The following NID1 variants were observed in gnomAD, a reference collection of about 807,000 sequenced individuals.
The protein encoded by NID1 is nidogen 1.
A neutral mutation model predicts 130.6 loss-of-function variants in NID1; 76 were observed. The ratio of observed to expected loss-of-function variants is 0.58; its 90% CI spans 0.48 to 0.70. The LOEUF (loss-of-function observed/expected upper bound fraction) is 0.70, where lower values mean the gene tolerates loss of function less well. Ranked by LOEUF, NID1 falls within the 30% of genes least tolerant of loss-of-function variation. The pLI is 0.00. For synonymous variants in NID1, 665 were observed against 675.1 expected (o/e 0.98, Z 0.23); for missense variants, 1,517 against 1,664.8 (o/e 0.91, Z 1.54).
At chr1:236,056,019 C>T (rs892825295) in intron 1 of NID1, among the ~76,000 whole-genome samples, 2 of 152,108 alleles carry the variant, frequency 1.3e-5, no homozygotes, top group East Asian at 3.9e-4. Flanking sequence ...TTTGACAGGG[C>T]CACCAAGAAC....
intron 12 of NID1, among the ~76,000 whole-genome samples, chr1:236,006,391 A>C (rs79994660): frequency 6.6e-6 from 1 of 152,268 alleles, no homozygotes; most frequent in Non-Finnish European, 1.5e-5. Flanking sequence ...ACCACCACCT[A>C]TTGTCTTGCC....
At chr1:236,006,628 A>C (rs1558430084) in intron 12 of NID1, among the ~76,000 whole-genome samples, 1 of 152,228 alleles carries the variant, frequency 6.6e-6, no homozygotes, top group Non-Finnish European at 1.5e-5. Flanking sequence ...ACCTACAATG[A>C]CTAGGAATGC....
chr1:235,979,702 G>A lies in NID1; in HGVS notation c.3509+120C>T. 9.3e-7 allele frequency: 1 copy of A among 1,075,766 alleles called. No individual in the cohort carries two copies. The highest frequency in any genetic ancestry group is 2.0e-5 in the Admixed American group (1 of 50,306). 66.6% of individuals were successfully genotyped at this position (1,075,766 alleles called of 1,614,324 possible). On this transcript the variant is annotated intron_variant, in intron 18 of 19. Coordinates refer to ENST00000264187, the MANE Select transcript of NID1 (RefSeq NM_002508.3). The surrounding 1 kb of genome is among the most constrained non-coding windows in gnomAD (Gnocchi z 4.6). The stretch of plus-strand genomic sequence containing the variant: ...ATAAGGGAGAGGGGACATCTCTAGA[G>A]GGGGCATTTCTGGAGGCTCAAAAGT...
intron 4 of NID1, among the ~76,000 whole-genome samples, chr1:236,040,832 G>A (rs1272796254): frequency 6.6e-6 from 1 of 151,832 alleles, no homozygotes; most frequent in Non-Finnish European, 1.5e-5. Flanking sequence ...CCTGGCTAAT[G>A]TTTTGCATTT....
At chr1:235,986,358 A>G (rs1056758951) in intron 14 of NID1, among the ~76,000 whole-genome samples, 1 of 152,188 alleles carries the variant, frequency 6.6e-6, no homozygotes, top group African/African-American at 2.4e-5. Context: ...GATGCAAGAT[A>G]CAAAGTCAAT....
At chr1:236,024,844 C>T (rs1204952480) in intron 8 of NID1, among the ~76,000 whole-genome samples, 1 of 152,214 alleles carries the variant, frequency 6.6e-6, no homozygotes, top group African/African-American at 2.4e-5. Context: ...TGGGAACGCC[C>T]ACAGACCAGA....
chr1:236,017,389 C>CTTT, intron 9 of NID1, 116 bp from the exon 10 acceptor site: 3 of 972,224 alleles, frequency 3.1e-6, no homozygotes, highest in African/African-American at 1.7e-5. Flanking sequence ...ACAAAATTTT[C>CTTT]TTTTTTTTTT....
chr1:236,035,852 A>G (rs1053177063), intron 5 of NID1, among the ~76,000 whole-genome samples: 8 of 152,216 alleles, frequency 5.3e-5, no homozygotes, highest in African/African-American at 1.9e-4. Flanking sequence ...ACAGCGCAAA[A>G]AGGTATCCCA....
chr1:236,058,168 A>G (rs185105508), intron 1 of NID1, among the ~76,000 whole-genome samples: 119 of 152,326 alleles, frequency 7.8e-4, no homozygotes, highest in African/African-American at 2.7e-3. Context: ...TAAGGAGTAA[A>G]AACTTGTTTA....
In NID1 at chr1:236,042,112, C is replaced by T. The variant is rs144654436; in HGVS notation, c.933G>A (p.Thr311=). The change falls in exon 4 of 20, where the codon ACG becomes ACA. Residue 311 remains threonine, a synonymous_variant. Transcript: ENST00000264187. ...TRLGLEDVGT[T]PFSYKALRRG... Reference sequence around the variant, plus strand: ...TTCTCAGAGCCTTGTAGGAGAAGGGCGTGGTGCCCACATCCTCCAGGCCCA... The same window carrying T: ...TTCTCAGAGCCTTGTAGGAGAAGGGTGTGGTGCCCACATCCTCCAGGCCCA... 1.8e-4 allele frequency: 297 copies of T among 1,614,116 alleles called. 1 individual carries two copies. In the African/African-American group the frequency reaches 3.2e-3, roughly 17 times the overall value.
At chr1:236,039,998 A>T (rs1272728872) in intron 4 of NID1, among the ~76,000 whole-genome samples, 1 of 152,224 alleles carries the variant, frequency 6.6e-6, no homozygotes, top group Non-Finnish European at 1.5e-5. Context: ...ACAGGAAAAC[A>T]TCTGTTTTAG....
intron 7 of NID1, among the ~76,000 whole-genome samples, chr1:236,027,578 C>T (rs6429467): frequency 0.44 from 66,433 of 152,090 alleles, 15,745 homozygotes; most frequent in African/African-American, 0.62. Context: ...CCTGTAATCA[C>T]GGCACTTTGG....
intron 7 of NID1, 98 bp from the exon 8 acceptor site, chr1:236,026,239 G>T (rs1350180018): frequency 2.7e-6 from 4 of 1,476,330 alleles, no homozygotes; most frequent in Middle Eastern, 2.2e-4. Context: ...AGGCACCAGT[G>T]GTATTCCCTG....
chr1:236,015,428 C>A (rs917430200), intron 10 of NID1, among the ~76,000 whole-genome samples: 3 of 152,060 alleles, frequency 2.0e-5, no homozygotes, highest in African/African-American at 7.2e-5. Flanking sequence ...AGGCAAATCA[C>A]CTGAGGCCAG....
intron 9 of NID1, among the ~76,000 whole-genome samples, chr1:236,019,471 C>CTGT (rs1658693341): frequency 3.3e-5 from 5 of 152,318 alleles, no homozygotes; most frequent in African/African-American, 1.2e-4. Context: ...TCCCTGGGAA[C>CTGT]ATTTACGCAA....
At chr1:236,039,964 T>C (rs1659400479) in intron 4 of NID1, among the ~76,000 whole-genome samples, 1 of 152,096 alleles carries the variant, frequency 6.6e-6, no homozygotes. Flanking sequence ...CTCTTCAACA[T>C]AGGGAAATAA....
chr1:236,049,194 A>G (rs1659696087), intron 1 of NID1, among the ~76,000 whole-genome samples: 1 of 152,204 alleles, frequency 6.6e-6, no homozygotes, highest in East Asian at 1.9e-4. Context: ...AGGAGTCATT[A>G]TTCAAATCCT....
chr1:235,981,847 C>G (rs550877405), intron 15 of NID1, 65 bp from the exon 16 acceptor site: 43 of 1,418,886 alleles, frequency 3.0e-5, no homozygotes, highest in Admixed American at 2.2e-4. Context: ...TGAGGTTTTT[C>G]TGAATACTCA....
Position 236,065,047 on chromosome 1 carries a change from C to G in NID1, c.33G>C (p.Ala11=). Reference sequence around the variant, plus strand: ...GCGGCAGCAGCAGCGCCCGCGTCCACGCAGCCCGGATCCGGCTGCTCGAGG... The same window carrying G: ...GCGGCAGCAGCAGCGCCCGCGTCCAGGCAGCCCGGATCCGGCTGCTCGAGG... MLASSSRIRA[A]WTRALLLPLL... Residue 11 remains alanine, a synonymous_variant, in exon 1 of 20, where the codon GCG becomes GCC. Coordinates refer to ENST00000264187, the MANE Select transcript of NID1 (RefSeq NM_002508.3). The surrounding 1 kb of genome is among the most constrained non-coding windows in gnomAD (Gnocchi z 4.1). The G allele has an allele frequency of 1.3e-6, 2 of 1,554,036 alleles. No homozygotes were observed. The highest frequency in any genetic ancestry group is 1.2e-5 in the South Asian group (1 of 84,566).
Sources: allele counts gnomAD v4.1 joint callset (sites outside exome capture counted in the v4.1 genomes callset), GRCh38; gene constraint gnomAD v4.1.1; non-coding constraint Gnocchi (gnomAD v3.1); transcripts MANE v1.5; gene names NCBI Gene and HGNC (gene_info 2026-07-23, HGNC 2026-07-21).